Variants in COL23A1 observed in about 807,000 individuals in gnomAD.
COL23A1 encodes collagen alpha-1(XXIII) chain.
COL23A1 carries 97 observed loss-of-function variants against 99.3 expected under a neutral mutation model. The ratio of observed to expected loss-of-function variants is 0.98; its 90% confidence interval spans 0.83 to 1.16. The LOEUF is 1.16. Ranked by LOEUF, COL23A1 falls within the 50% of genes most tolerant of loss-of-function variation. COL23A1 has a pLI of 0.00. For synonymous variants in COL23A1, 320 were observed against 308.2 expected (o/e 1.04, Z -0.40); for missense variants, 762 against 757.4 (o/e 1.01, Z -0.07).
At chr5:178,499,622 C>T (rs527941138) in intron 2 of COL23A1, among the ~76,000 whole-genome samples, 6 of 152,326 alleles carry the variant, frequency 3.9e-5, no homozygotes, top group African/African-American at 1.2e-4. Context: ...GATATGACCA[C>T]GACTGTAACG....
In COL23A1 at chr5:178,387,945, C is replaced by T. The variant is rs187032881; in HGVS notation, c.362-81026G>A. Among the ~76,000 whole-genome samples, 321 of 152,300 alleles carry T rather than the reference C, an allele frequency of 2.1e-3. No individual in the cohort carries two copies. The highest frequency in any genetic ancestry group is 4.0e-3 in the Non-Finnish European group (274 of 68,016). On this transcript the variant is annotated intron_variant, in intron 2 of 28. Coordinates refer to ENST00000390654, the MANE Select transcript of COL23A1 (RefSeq NM_173465.4). This position sits in a 1 kb window ranked among gnomAD's most constrained non-coding sequence, Gnocchi z 4.7. ...CACTGCAAGAACTGCCAGTGAAGGA[C>T]AGAAATGGGCAAGTGGGAGGAGATT...
At chr5:178,238,990 C>T (rs1764250989) in intron 28 of COL23A1, 151 bp downstream of exon 28, 2 of 921,984 alleles carry the variant, frequency 2.2e-6, no homozygotes, top group South Asian at 1.5e-5. Context: ...AAACCAGGGT[C>T]ATGATGGGAA....
intron 19 of COL23A1, 132 bp downstream of exon 19, chr5:178,248,985 C>T (rs1261333589): frequency 1.9e-5 from 16 of 835,384 alleles, no homozygotes; most frequent in East Asian, 4.9e-5. Flanking sequence ...AGAGTGTCCC[C>T]GGCCGGCTGG....
Position 178,263,267 on chromosome 5 carries a change from C to G in COL23A1, c.580G>C (p.Ala194Pro), listed in dbSNP as rs896773167. 2.0e-5 allele frequency: 32 copies of G among 1,612,974 alleles called. No individual in the cohort carries two copies. Among genetic ancestry groups the G allele is most frequent in the African/African-American group, 2.7e-5 (2 of 74,832 alleles). ...GPPGPPGPPG[A>P]RGPPGDTGKD... ...CCAGTGTCGCCAGGAGGGCCCCGGGCCCCAGGAGGTCCAGGGGGCCCCGGA... is the reference window on the plus strand; with the variant it reads ...CCAGTGTCGCCAGGAGGGCCCCGGGGCCCAGGAGGTCCAGGGGGCCCCGGA... Residue 194 changes from alanine (A) to proline (P), a missense_variant, in exon 9 of 29, where the codon GCC (alanine) becomes CCC (proline). Transcript: ENST00000390654.
chr5:178,433,712 T>G (rs10065268), intron 2 of COL23A1, among the ~76,000 whole-genome samples: 5,280 of 152,282 alleles, frequency 0.035, 301 homozygotes, highest in African/African-American at 0.12. Context: ...CAGGGATAAA[T>G]ACCAAATACT....
chr5:178,539,321 T>C (rs984324757), intron 2 of COL23A1, among the ~76,000 whole-genome samples: 4 of 152,050 alleles, frequency 2.6e-5, no homozygotes, highest in Non-Finnish European at 4.4e-5. Context: ...CCGAGGTGGA[T>C]GGATCACCTG....
chr5:178,361,292 C>A (rs1395257211), intron 2 of COL23A1, among the ~76,000 whole-genome samples: 1 of 152,190 alleles, frequency 6.6e-6, no homozygotes, highest in Non-Finnish European at 1.5e-5. Flanking sequence ...TAGGGACAAA[C>A]TGAGACGATC....
At chr5:178,270,509 G>A (rs913709755) in intron 5 of COL23A1, 146 bp from the exon 6 acceptor site, 3 of 908,726 alleles carry the variant, frequency 3.3e-6, no homozygotes, top group African/African-American at 3.3e-5. Flanking sequence ...GCCTGGGGCT[G>A]AGGGAGGGGA....
chr5:178,399,838 T>G (rs1184276927), intron 2 of COL23A1, among the ~76,000 whole-genome samples: 1 of 152,210 alleles, frequency 6.6e-6, no homozygotes, highest in South Asian at 2.1e-4. Context: ...AAAAATGTAC[T>G]GACATGATTG....
chr5:178,269,426 TCCACCCAC>T (rs1281909471), intron 6 of COL23A1, among the ~76,000 whole-genome samples: 1 of 58,752 alleles, frequency 1.7e-5, no homozygotes, highest in Admixed American at 1.9e-4. Flanking sequence ...CACCCGTCCA[TCCACCCAC>T]CCACCCATCC....
At chr5:178,525,997 A>G (rs1760284428) in intron 2 of COL23A1, among the ~76,000 whole-genome samples, 1 of 152,244 alleles carries the variant, frequency 6.6e-6, no homozygotes, top group Non-Finnish European at 1.5e-5. Flanking sequence ...AGATGGTAAC[A>G]GCTTGAGGTA....
intron 2 of COL23A1, among the ~76,000 whole-genome samples, chr5:178,509,129 C>A (rs1047573396): frequency 1.3e-5 from 2 of 152,146 alleles, no homozygotes; most frequent in African/African-American, 4.8e-5. Context: ...TACAGTAGCC[C>A]CTGAGGGCTT....
intron 2 of COL23A1, among the ~76,000 whole-genome samples, chr5:178,389,072 C>A (rs1581285618): frequency 6.6e-6 from 1 of 152,128 alleles, no homozygotes; most frequent in East Asian, 1.9e-4. Context: ...CCTTCATAAC[C>A]CAGCCTTGAC....
At chr5:178,455,626 C>T (rs57692486) in intron 2 of COL23A1, among the ~76,000 whole-genome samples, 3,192 of 152,316 alleles carry the variant, frequency 0.021, 134 homozygotes, top group African/African-American at 0.073. Flanking sequence ...AGGCATGACA[C>T]CGGCCCTCCC....
chr5:178,432,521 C>T (rs1766319601), intron 2 of COL23A1, among the ~76,000 whole-genome samples: 1 of 152,156 alleles, frequency 6.6e-6, no homozygotes, highest in South Asian at 2.1e-4. Context: ...TCAGAAGACC[C>T]AGGAGCTACA....
Position 178,242,366 on chromosome 5 carries a change from C to G in COL23A1, c.1469G>C (p.Gly490Ala), listed in dbSNP as rs1409565607. 1 of 1,614,030 alleles carries G rather than the reference C, an allele frequency of 6.2e-7. No individual in the cohort carries two copies. The highest frequency in any genetic ancestry group is 1.3e-5 in the African/African-American group (1 of 74,928). The change falls in exon 26 of 29, where the codon GGT (glycine) becomes GCT (alanine). Residue 490 changes from glycine to alanine, a missense_variant. Transcript: ENST00000390654. ...CTTCTCTCCACGCTCGCTCCGATCACCTTTCTCTCCTCGGGGTCCAGGGAA... is the reference window on the plus strand; with the variant it reads ...CTTCTCTCCACGCTCGCTCCGATCAGCTTTCTCTCCTCGGGGTCCAGGGAA... ...DGFPGPRGEK[G>A]DRSERGEKGE... is the part of the protein sequence containing the mutation.
Position 178,280,052 on chromosome 5 carries a change from C to A in COL23A1, c.441+8272G>T, listed in dbSNP as rs1756806927. Among the ~76,000 whole-genome samples the A allele has an allele frequency of 6.6e-6, 1 of 152,244 alleles. No individual in the cohort carries two copies. The highest frequency in any genetic ancestry group is 2.4e-5 in the African/African-American group (1 of 41,474). On this transcript the variant is annotated intron_variant, in intron 5 of 28. Coordinates refer to ENST00000390654, the MANE Select transcript of COL23A1 (RefSeq NM_173465.4). This position sits in a 1 kb window ranked among gnomAD's most constrained non-coding sequence, Gnocchi z 4.9. ...GTACATAACGAGAACACAGTAAATA[C>A]CCGCTGAATGGATCAACAACGGTGA...
In COL23A1 at chr5:178,249,985, G is replaced by GCACACACA. The variant is rs5873601; in HGVS notation, c.1059+68_1059+75dup. 5.1e-4 allele frequency: 673 copies of GCACACACA among 1,307,906 alleles called. No homozygotes were observed. In the African/African-American group the frequency reaches 5.8e-3, roughly 11 times the overall value. The allele number at this position is 1,307,906 out of a possible 1,614,324, so 81.0% of individuals were successfully genotyped here. A position where few individuals can be genotyped will look rare whatever the true frequency, so the allele number is the denominator to read the frequency against. The stretch of plus-strand genomic sequence containing the variant: ...TCTAACTCTGTGCACACATGCACAC[G>GCACACACA]CACACACACACACACACACACACAG... On this transcript the variant is annotated intron_variant, in intron 18 of 28. Transcript: ENST00000390654.
intron 2 of COL23A1, among the ~76,000 whole-genome samples, chr5:178,560,254 C>T (rs1762489497): frequency 6.6e-6 from 1 of 152,192 alleles, no homozygotes; most frequent in Non-Finnish European, 1.5e-5. Context: ...GAAATGAAAA[C>T]AAGAAGGCTA....
Sources: gnomAD v4.1 joint callset for allele counts (sites outside exome capture counted in the v4.1 genomes callset) on GRCh38, gnomAD v4.1.1 for gene constraint, Gnocchi (gnomAD v3.1) non-coding constraint, MANE v1.5 for transcripts, NCBI Gene and HGNC (gene_info 2026-07-23, HGNC 2026-07-21) for gene names.